BTNL8: variants seen among roughly 807,000 people sequenced by gnomAD.
BTNL8 encodes butyrophilin like 8.
In BTNL8, 22 loss-of-function variants were observed where a neutral mutation model predicts 36.1. That is an observed-to-expected ratio of 0.61 (90% CI 0.44 to 0.87). The LOEUF is 0.87. Among genes scored for constraint, BTNL8 ranks in the 40% least tolerant of loss-of-function variants. The probability of loss-of-function intolerance (pLI) is 0.00; values close to 1 mark genes in which losing one functional copy is unlikely to be tolerated. For synonymous variants in BTNL8, 203 were observed against 235.6 expected, an observed-to-expected ratio of 0.86 and a Z score of 1.27; for missense variants, 526 against 616.9, an observed-to-expected ratio of 0.85 and a Z score of 1.56.
chr5:180,945,333 C>T (rs1232378909), intron 3 of BTNL8, among the ~76,000 whole-genome samples: 3 of 152,284 alleles, frequency 2.0e-5, no homozygotes, highest in African/African-American at 7.2e-5. Context: ...AAAAGTTAAA[C>T]ATAAGACCTG....
At position 180,908,513 on chromosome 5, in the gene BTNL8, A is replaced by G; in HGVS notation, c.50-73A>G. On this transcript the variant is annotated intron_variant, in intron 1 of 7. Coordinates refer to ENST00000340184, the MANE Select transcript of BTNL8 (RefSeq NM_001040462.3). ...GGAGCTGTAGACCGGAGCTGTTCCTATTCGGCCATCTTGGCTCCTCCCCCT... is the reference window on the plus strand; with the variant it reads ...GGAGCTGTAGACCGGAGCTGTTCCTGTTCGGCCATCTTGGCTCCTCCCCCT... The G allele has an allele frequency of 2.8e-6, 4 of 1,451,180 alleles. No individual in the cohort carries two copies. In the South Asian group the frequency reaches 3.8e-5, roughly 14 times the overall value. 89.9% of individuals were successfully genotyped at this position (1,451,180 alleles called of 1,614,324 possible). A position where few individuals can be genotyped will look rare whatever the true frequency, so the allele number is the denominator to read the frequency against.
intron 3 of BTNL8, among the ~76,000 whole-genome samples, chr5:180,912,263 A>T (rs1297775760): frequency 6.6e-6 from 1 of 152,126 alleles, no homozygotes; most frequent in Non-Finnish European, 1.5e-5. Context: ...TAAATGAACC[A>T]TTGGCTCTCC....
At chr5:180,949,410 C>A in intron 7 of BTNL8, 145 bp downstream of exon 7, 1 of 1,243,644 alleles carries the variant, frequency 8.0e-7, no homozygotes, top group South Asian at 1.3e-5. Flanking sequence ...TTGATCGCCC[C>A]CAAGGGTTCA....
intron 3 of BTNL8, chr5:180,945,839 G>A: frequency 2.0e-6 from 1 of 494,960 alleles, no homozygotes; most frequent in Non-Finnish European, 4.0e-6. Flanking sequence ...CCGGAAATAT[G>A]GCCTCAATAT....
rs147926172 is a variant in BTNL8, at chr5:180,922,514, G to A, written c.673+10900G>A. On this transcript the variant is annotated intron_variant, in intron 3 of 7. Transcript: ENST00000340184. ...TAATTGTATTGTTTTGAGTGATTTT[G>A]TTAGCCTTGATCTGTAATCGTATTG... Among the ~76,000 whole-genome samples the A allele has an allele frequency of 8.4e-3, 1,258 of 150,562 alleles. 29 individuals carry two copies. The highest frequency in any genetic ancestry group is 0.036 in the East Asian group (184 of 5,124).
chr5:180,947,920 T>C (rs1455466260), intron 4 of BTNL8: 6 of 995,982 alleles, frequency 6.0e-6, no homozygotes, highest in Non-Finnish European at 8.8e-6. Context: ...AAGACTCCTA[T>C]TAAAAAGTTT....
chr5:180,925,039 A>T (rs1298841314), intron 3 of BTNL8, among the ~76,000 whole-genome samples: 2 of 152,212 alleles, frequency 1.3e-5, no homozygotes, highest in Non-Finnish European at 2.9e-5. Flanking sequence ...CTTCAACAGC[A>T]GACTTGATCA....
At position 180,935,063 on chromosome 5, in the gene BTNL8, A is replaced by G. The variant is rs541771177; in HGVS notation, c.674-12449A>G. 2.0e-5 allele frequency among the ~76,000 whole-genome samples: 3 copies of G among 152,116 alleles called. No homozygotes were observed. In the South Asian group the frequency reaches 6.2e-4, roughly 32 times the overall value. On this transcript the variant is annotated intron_variant, in intron 3 of 7. Coordinates refer to ENST00000340184, the MANE Select transcript of BTNL8 (RefSeq NM_001040462.3). The surrounding 1 kb of genome is among the most constrained non-coding windows in gnomAD (Gnocchi z 4.8). ...AGTGGGTAGCTCCTTCCTGCTTCTC[A>G]CTTCATAGTCCTGATGTCTGTCTGA...
chr5:180,918,751 G>A (rs998044879), intron 3 of BTNL8, among the ~76,000 whole-genome samples: 18 of 152,166 alleles, frequency 1.2e-4, no homozygotes, highest in Non-Finnish European at 2.4e-4. Flanking sequence ...TAGAAAGGCA[G>A]GACAACTTGA....
intron 3 of BTNL8, among the ~76,000 whole-genome samples, chr5:180,939,828 A>G (rs1758838747): frequency 6.6e-6 from 1 of 152,226 alleles, no homozygotes; most frequent in Admixed American, 6.5e-5. Context: ...TGCAGGATAC[A>G]TTTTATGTTA....
At chr5:180,929,943 A>C (rs1343518759) in intron 3 of BTNL8, among the ~76,000 whole-genome samples, 2 of 118,186 alleles carry the variant, frequency 1.7e-5, no homozygotes, top group African/African-American at 8.1e-5. Flanking sequence ...AAAGAGAGAA[A>C]CTCCTTCCCT....
At chr5:180,933,767 C>G (rs995886951) in intron 3 of BTNL8, among the ~76,000 whole-genome samples, 1 of 152,024 alleles carries the variant, frequency 6.6e-6, no homozygotes, top group African/African-American at 2.4e-5. Context: ...AAGAACAGAA[C>G]AATAATAAGT....
chr5:180,947,724 G>A (rs750267407), intron 4 of BTNL8, 99 bp downstream of exon 4: 43 of 1,614,192 alleles, frequency 2.7e-5, no homozygotes, highest in Non-Finnish European at 3.6e-5. Flanking sequence ...TCTTCTTCTA[G>A]TCCTAGCCTC....
chr5:180,918,924 G>A (rs566444373), intron 3 of BTNL8, among the ~76,000 whole-genome samples: 5 of 152,234 alleles, frequency 3.3e-5, no homozygotes, highest in South Asian at 4.2e-4. Context: ...CATAAGTGGC[G>A]ACCCTTAGAG....
chr5:180,947,429 G>A (rs1759314858), intron 3 of BTNL8, 83 bp from the exon 4 acceptor site: 4 of 1,509,786 alleles, frequency 2.6e-6, no homozygotes, highest in South Asian at 1.2e-5. Flanking sequence ...TCCATTGTGG[G>A]GAACAAGGTG....
intron 3 of BTNL8, among the ~76,000 whole-genome samples, chr5:180,941,789 T>C (rs1045926824): frequency 6.6e-6 from 1 of 151,902 alleles, no homozygotes; most frequent in Non-Finnish European, 1.5e-5. Context: ...GTAGAAGAAA[T>C]GTACCTCAAC....
intron 1 of BTNL8, among the ~76,000 whole-genome samples, chr5:180,899,775 C>T (rs934697664): frequency 1.3e-5 from 2 of 152,140 alleles, no homozygotes; most frequent in Admixed American, 6.5e-5. Flanking sequence ...GTATGAGACA[C>T]GAGGGTGGAG....
At chr5:180,932,035 A>C (rs970887732) in intron 3 of BTNL8, among the ~76,000 whole-genome samples, 1 of 152,242 alleles carries the variant, frequency 6.6e-6, no homozygotes, top group Admixed American at 6.5e-5. Flanking sequence ...ACTGTTCACA[A>C]TAGCAAAGAC....
Position 180,928,090 on chromosome 5 carries a change from T to C in BTNL8, c.673+16476T>C, listed in dbSNP as rs908241026. 3.9e-5 allele frequency among the ~76,000 whole-genome samples: 6 copies of C among 152,118 alleles called. No homozygotes were observed. The South Asian group carries it at 1.0e-3, about 26-fold the overall frequency. On this transcript the variant is annotated intron_variant, in intron 3 of 7. Transcript: ENST00000340184. Reference sequence around the variant, plus strand: ...TGTTAAGGGCAGCCAGAGAGAAAGGTTGGGTTACCCACAAAGGGAAGCCCA... The same window carrying C: ...TGTTAAGGGCAGCCAGAGAGAAAGGCTGGGTTACCCACAAAGGGAAGCCCA...
Sources: gnomAD v4.1 joint callset for allele counts (sites outside exome capture counted in the v4.1 genomes callset) on GRCh38, gnomAD v4.1.1 for gene constraint, Gnocchi (gnomAD v3.1) non-coding constraint, MANE v1.5 for transcripts, NCBI Gene and HGNC (gene_info 2026-07-23, HGNC 2026-07-21) for gene names.